The following GLIS3 variants were observed in gnomAD, a reference collection of about 807,000 sequenced individuals.
GLIS3 encodes GLIS family zinc finger 3.
Under a neutral mutation model 78.6 loss-of-function variants are expected in GLIS3, and 53 were observed. The ratio of observed to expected loss-of-function variants is 0.67; its 90% CI spans 0.54 to 0.85. The LOEUF (loss-of-function observed/expected upper bound fraction) is 0.85. Among genes scored for constraint, GLIS3 ranks in the 40% least tolerant of loss-of-function variants. GLIS3 has a pLI of 0.00. For synonymous variants in GLIS3, 684 were observed against 509.9 expected, an observed-to-expected ratio of 1.34 and a Z score of -4.60; for missense variants, 1,703 against 1,231.1, an observed-to-expected ratio of 1.38 and a Z score of -5.74.
chr9:4,382,563 C>A, the GLIS3 span, among the ~76,000 whole-genome samples: 1 of 152,068 alleles, frequency 6.6e-6, no homozygotes, highest in African/African-American at 2.4e-5. Context: ...GAGTATTTCT[C>A]CAGGTATGTT....
intron 2 of GLIS3, among the ~76,000 whole-genome samples, chr9:4,244,546 G>C (rs1343876347): frequency 2.6e-5 from 4 of 152,074 alleles, no homozygotes; most frequent in Non-Finnish European, 5.9e-5. Context: ...TCAGATGTGA[G>C]GTAGATATCT....
chr9:4,433,257 C>A, the GLIS3 span, among the ~76,000 whole-genome samples: 9 of 152,062 alleles, frequency 5.9e-5, no homozygotes, highest in Non-Finnish European at 1.3e-4. Flanking sequence ...TATGTTGAAA[C>A]CCTGTCTCTA....
chr9:4,197,791 C>T (rs538549959), intron 2 of GLIS3, among the ~76,000 whole-genome samples: 1 of 152,266 alleles, frequency 6.6e-6, no homozygotes, highest in Non-Finnish European at 1.5e-5. Flanking sequence ...TCATCTGCGC[C>T]ATCTACTGGC....
At chr9:4,235,586 C>A (rs993554883) in intron 2 of GLIS3, among the ~76,000 whole-genome samples, 2 of 152,176 alleles carry the variant, frequency 1.3e-5, no homozygotes, top group African/African-American at 2.4e-5. Flanking sequence ...TAGACTAGCA[C>A]CCTTTCCAAT....
chr9:3,876,082 G>A (rs1406375296), intron 8 of GLIS3, among the ~76,000 whole-genome samples: 4 of 152,062 alleles, frequency 2.6e-5, no homozygotes. Context: ...CCCATAAGGT[G>A]CAATCTAAAT....
At chr9:4,390,992 T>C in the GLIS3 span, among the ~76,000 whole-genome samples, 2 of 152,224 alleles carry the variant, frequency 1.3e-5, no homozygotes, top group African/African-American at 4.8e-5. Context: ...AAAGGCTTGC[T>C]TCCTGCCTAT....
At chr9:4,487,773 G>A in the GLIS3 span, among the ~76,000 whole-genome samples, 4 of 151,256 alleles carry the variant, frequency 2.6e-5, no homozygotes, top group Admixed American at 2.0e-4. Context: ...CTGCAACCTC[G>A]AACTCCCGGG....
At chr9:4,039,266 C>T (rs540222306) in intron 4 of GLIS3, among the ~76,000 whole-genome samples, 11 of 151,952 alleles carry the variant, frequency 7.2e-5, no homozygotes, top group Non-Finnish European at 1.0e-4. Flanking sequence ...TAATTGGTGC[C>T]GAGGACCAAA....
At chr9:3,970,002 C>T (rs751516692) in intron 4 of GLIS3, among the ~76,000 whole-genome samples, 1 of 152,202 alleles carries the variant, frequency 6.6e-6, no homozygotes, top group Non-Finnish European at 1.5e-5. Context: ...ATTGTACAGT[C>T]ATTTCATGTT....
chr9:3,892,212 G>C (rs1208525324), intron 7 of GLIS3, among the ~76,000 whole-genome samples: 1 of 152,040 alleles, frequency 6.6e-6, no homozygotes. Flanking sequence ...AGCAAACCCA[G>C]GTCACAGCTA....
intron 2 of GLIS3, among the ~76,000 whole-genome samples, chr9:4,261,958 T>TC (rs1825573263): frequency 6.6e-6 from 1 of 151,986 alleles, no homozygotes; most frequent in Non-Finnish European, 1.5e-5. Context: ...ATGCAGGGGG[T>TC]CCCCATGATA....
At chr9:4,140,061 G>C (rs1005791566) in intron 2 of GLIS3, among the ~76,000 whole-genome samples, 5 of 152,168 alleles carry the variant, frequency 3.3e-5, no homozygotes, top group African/African-American at 1.2e-4. Flanking sequence ...CCTGTAAAAG[G>C]CATATCTTAC....
intron 2 of GLIS3, among the ~76,000 whole-genome samples, chr9:4,203,065 T>C (rs958591382): frequency 6.6e-6 from 1 of 152,210 alleles, no homozygotes; most frequent in Non-Finnish European, 1.5e-5. Flanking sequence ...TAGCAAACTA[T>C]GTCTATGTAT....
At chr9:4,062,897 T>C (rs199938920) in intron 4 of GLIS3, among the ~76,000 whole-genome samples, 34 of 150,998 alleles carry the variant, frequency 2.3e-4, no homozygotes, top group African/African-American at 8.0e-4. Context: ...CCACTACACT[T>C]CAGCCTGGGT....
At chr9:4,211,441 G>A (rs73400409) in intron 2 of GLIS3, among the ~76,000 whole-genome samples, 3,782 of 152,210 alleles carry the variant, frequency 0.025, 169 homozygotes, top group African/African-American at 0.086. Context: ...CATCCTGCAC[G>A]CACCTTTTTC....
In GLIS3 at chr9:4,309,750, AT is replaced by A. The variant is rs528394589; in HGVS notation, n.392+650del. Among the ~76,000 whole-genome samples, 43 of 149,410 alleles carry A rather than the reference AT, an allele frequency of 2.9e-4. 1 individual carries two copies. Among genetic ancestry groups the A allele is most frequent in the African/African-American group, 6.1e-4 (25 of 40,838 alleles). On this transcript the variant is annotated intron_variant and non_coding_transcript_variant, in intron 3 of 4. Transcript: ENST00000471664. ...ATTTTTTATCTTTACCAGTTGGCCT[AT>A]TTTTTTTTTCTTCACATGACATCAG... is the stretch of plus-strand genomic sequence containing the variant.
chr9:4,473,931 G>A, the GLIS3 span, among the ~76,000 whole-genome samples: 3 of 151,858 alleles, frequency 2.0e-5, no homozygotes, highest in Non-Finnish European at 4.4e-5. Context: ...AACTAAAAAA[G>A]ACCTAAATAA....
At chr9:4,277,740 T>C (rs993287193) in intron 2 of GLIS3, among the ~76,000 whole-genome samples, 1 of 152,200 alleles carries the variant, frequency 6.6e-6, no homozygotes, top group Non-Finnish European at 1.5e-5. Flanking sequence ...GTACTACAAA[T>C]GTAAAATTGT....
At position 4,118,561 on chromosome 9, in the gene GLIS3, G is replaced by A; in HGVS notation, c.917C>T (p.Ser306Phe). ...ARSKKRALSL[S>F]PLSDGIGIDF... ...TATCCCGATGCCATCGGACAGCGGG[G>A]ACAAGGACAGCGCTCTCTTCTTGGA... Residue 306 changes from serine to phenylalanine, a missense_variant, in exon 4 of 11, where the codon TCC becomes TTC. Transcript: ENST00000381971. This position sits in a 1 kb window ranked among gnomAD's most constrained non-coding sequence, Gnocchi z 4.7. 1 of 1,614,246 alleles carries A rather than the reference G, an allele frequency of 6.2e-7. No homozygotes were observed. The highest frequency in any genetic ancestry group is 8.5e-7 in the Non-Finnish European group (1 of 1,180,038).
Sources: gnomAD v4.1 joint callset for allele counts (sites outside exome capture counted in the v4.1 genomes callset) on GRCh38, gnomAD v4.1.1 for gene constraint, Gnocchi (gnomAD v3.1) non-coding constraint, MANE v1.5 for transcripts, NCBI Gene and HGNC (gene_info 2026-07-23, HGNC 2026-07-21) for gene names.